Variants in C16orf96 observed in about 807,000 individuals in gnomAD.
C16orf96 encodes the protein uncharacterized protein C16orf96.
In C16orf96, 108 loss-of-function variants were observed where a neutral mutation model predicts 103.6. The ratio of observed to expected loss-of-function variants is 1.04; its 90% CI spans 0.89 to 1.22. The LOEUF (loss-of-function observed/expected upper bound fraction) is 1.22. Among genes scored for constraint, C16orf96 ranks in the 50% most tolerant of loss-of-function variants. C16orf96 has a pLI of 0.00. For missense variants in C16orf96, 1,586 were observed against 1,464.2 expected, an observed-to-expected ratio of 1.08 and a Z score of -1.36; for synonymous variants, 566 against 593.5, an observed-to-expected ratio of 0.95 and a Z score of 0.67.
At position 4,594,382 on chromosome 16, in the gene C16orf96, G is replaced by C. The variant is rs750173548; in HGVS notation, c.2899G>C (p.Gly967Arg). The change falls in exon 13 of 16, where the codon GGT becomes CGT. Residue 967 changes from glycine to arginine, a missense_variant. Coordinates refer to ENST00000444310, the MANE Select transcript of C16orf96 (RefSeq NM_001145011.2). Reference protein sequence around the residue: ...EQQWLQLQDLGIQEDCQQDWG... With the variant: ...EQQWLQLQDLRIQEDCQQDWG... ...GCAGTGGCTGCAGCTCCAGGACCTC[G>C]GTATCCAGGAGGATTGTCAGCAGGA... is the stretch of plus-strand genomic sequence containing the variant. The C allele has an allele frequency of 3.9e-6, 6 of 1,549,224 alleles. No individual in the cohort carries two copies. The highest frequency in any genetic ancestry group is 5.2e-6 in the Non-Finnish European group (6 of 1,146,854).
chr16:4,575,649 C>T lies in C16orf96; in HGVS notation c.1169C>T (p.Pro390Leu). ...PPPLGDWPALPRRWPLPQGWP... is the reference protein window; with the variant it reads ...PPPLGDWPALLRRWPLPQGWP... Reference sequence around the variant, plus strand: ...CCACTGGGAGACTGGCCTGCACTCCCAAGACGCTGGCCTCTTCCCCAAGGC... The same window carrying T: ...CCACTGGGAGACTGGCCTGCACTCCTAAGACGCTGGCCTCTTCCCCAAGGC... Residue 390 changes from proline to leucine, a missense_variant, in exon 5 of 16, where the codon CCA becomes CTA. Coordinates refer to ENST00000444310, the MANE Select transcript of C16orf96 (RefSeq NM_001145011.2). 3 of 1,535,392 alleles carry T rather than the reference C, an allele frequency of 2.0e-6. No individual in the cohort carries two copies. The highest frequency in any genetic ancestry group is 2.6e-6 in the Non-Finnish European group (3 of 1,140,018).
chr16:4,551,438 A>C (rs550906283), upstream of C16orf96, among the ~76,000 whole-genome samples: 1 of 152,020 alleles, frequency 6.6e-6, no homozygotes, highest in African/African-American at 2.4e-5. Flanking sequence ...TGTTTACTCC[A>C]TTTCGGGACT....
intron 1 of C16orf96, among the ~76,000 whole-genome samples, chr16:4,563,721 A>G (rs1224401387): frequency 1.3e-5 from 2 of 150,988 alleles, no homozygotes; most frequent in Non-Finnish European, 3.0e-5. Flanking sequence ...AGCGTGCACC[A>G]CCATGCCCAG....
chr16:4,600,493 C>CCT lies in C16orf96; in HGVS notation c.*177_*178insTC, dbSNP rs1310564194. On this transcript the variant is annotated 3_prime_UTR_variant, in exon 16 of 16. Transcript: ENST00000444310. The stretch of plus-strand genomic sequence containing the variant: ...GTCCGAGGCTGAGGCTCATGCGCCC[C>CCT]CCCCCATCCCTACCAAGTCCCCTCC... 6.3e-6 allele frequency: 3 copies of CCT among 475,006 alleles called. No individual in the cohort carries two copies. Among genetic ancestry groups the CCT allele is most frequent in the Non-Finnish European group, 7.6e-6 (2 of 263,458 alleles). The allele number at this position is 475,006 out of a possible 1,614,324, so 29.4% of individuals were successfully genotyped here.
At position 4,576,322 on chromosome 16, in the gene C16orf96, T is replaced by C. The variant is rs1199023032; in HGVS notation, c.1842T>C (p.Ala614=). The part of the protein sequence containing the change: ...MAAIATDTAA[A]GPLGVFADVL... Reference sequence around the variant, plus strand: ...CCATTGCAACAGACACGGCTGCAGCTGGGCCCCTAGGGGTCTTTGCAGATG... The same window carrying C: ...CCATTGCAACAGACACGGCTGCAGCCGGGCCCCTAGGGGTCTTTGCAGATG... The change falls in exon 5 of 16, where the codon GCT becomes GCC. Residue 614 remains alanine (A), a synonymous_variant. Transcript: ENST00000444310. 1 of 1,550,774 alleles carries C rather than the reference T, an allele frequency of 6.4e-7. No individual in the cohort carries two copies. The highest frequency in any genetic ancestry group is 2.4e-5 in the East Asian group (1 of 40,932).
Position 4,575,410 on chromosome 16 carries a change from G to A in C16orf96, c.930G>A (p.Pro310=), listed in dbSNP as rs189102504. ...GAGCCCAGGAGCCAGCGCAGCCTCC[G>A]GCCCTCACGCCTGAGTCTGCACCTG... The part of the protein sequence containing the change: ...LSRAQEPAQP[P]ALTPESAPGC... Residue 310 remains proline (P), a synonymous_variant, in exon 5 of 16, where the codon CCG becomes CCA. Coordinates refer to ENST00000444310, the MANE Select transcript of C16orf96 (RefSeq NM_001145011.2). 65 of 1,550,314 alleles carry A rather than the reference G, an allele frequency of 4.2e-5. No homozygotes were observed. In the African/African-American group the frequency reaches 7.0e-4, roughly 17 times the overall value.
the C16orf96 span, among the ~76,000 whole-genome samples, chr16:4,540,151 G>C: frequency 7.9e-5 from 12 of 152,156 alleles, no homozygotes; most frequent in Admixed American, 1.3e-4. Context: ...TACTTGCTCA[G>C]GTACTTCCTT....
chr16:4,555,728 C>T (rs537248795), upstream of C16orf96, among the ~76,000 whole-genome samples: 8 of 144,170 alleles, frequency 5.5e-5, no homozygotes, highest in African/African-American at 2.1e-4. Context: ...GGCAAGGTCT[C>T]ACTCTGTTGC....
In C16orf96 at chr16:4,591,544, C is replaced by A. The variant is rs1596537327; in HGVS notation, c.2593-122C>A. The A allele has an allele frequency of 1.3e-5, 10 of 746,726 alleles. No individual in the cohort carries two copies. The East Asian group carries it at 2.5e-4, about 18-fold the overall frequency. The allele number at this position is 746,726 out of a possible 1,614,324, so 46.3% of individuals were successfully genotyped here. A position where few individuals can be genotyped will look rare whatever the true frequency, so the allele number is the denominator to read the frequency against. ...ATTTTCCCTTTCCTGGACTCCCTCA[C>A]TATTTTAGTTGAATTTTGTTACACC... On this transcript the variant is annotated intron_variant, in intron 9 of 15. Transcript: ENST00000444310.
upstream of C16orf96, among the ~76,000 whole-genome samples, chr16:4,554,139 A>G (rs966710812): frequency 4.6e-5 from 7 of 152,010 alleles, no homozygotes; most frequent in African/African-American, 1.7e-4. Context: ...ACCATACCTC[A>G]TATCTCCACG....
chr16:4,577,784 C>T (rs2059531086), intron 5 of C16orf96, among the ~76,000 whole-genome samples: 1 of 152,150 alleles, frequency 6.6e-6, no homozygotes, highest in Non-Finnish European at 1.5e-5. Flanking sequence ...AGCGAAACTC[C>T]GTCTCGACTA....
rs1567138574 is a variant in C16orf96 at position 4,599,586 on chromosome 16, C to T, written c.3208+222C>T. On this transcript the variant is annotated intron_variant, in intron 15 of 15. Coordinates refer to ENST00000444310, the MANE Select transcript of C16orf96 (RefSeq NM_001145011.2). Reference sequence around the variant, plus strand: ...TCTGTCCCCAGCGTCCACCCAGCTGCAGGGGCGGCAACAAGGGAACTGAGG... The same window carrying T: ...TCTGTCCCCAGCGTCCACCCAGCTGTAGGGGCGGCAACAAGGGAACTGAGG... Among the ~76,000 whole-genome samples the T allele has an allele frequency of 7.2e-5, 11 of 152,220 alleles. 1 individual carries two copies. The highest frequency in any genetic ancestry group is 7.2e-4 in the Admixed American group (11 of 15,284).
chr16:4,563,015 A>G, intron 1 of C16orf96: 1 of 1,024,424 alleles, frequency 9.8e-7, no homozygotes, highest in Non-Finnish European at 1.5e-6. Flanking sequence ...ACATGTTACC[A>G]TCTCTGCTGC....
At chr16:4,583,333 G>A (rs1353762177) in intron 7 of C16orf96, among the ~76,000 whole-genome samples, 3 of 151,474 alleles carry the variant, frequency 2.0e-5, no homozygotes, top group South Asian at 4.2e-4. Flanking sequence ...AGGCCCCATC[G>A]CTAAAAAAAT....
intron 2 of C16orf96, among the ~76,000 whole-genome samples, chr16:4,573,064 C>T: frequency 6.6e-6 from 1 of 152,120 alleles, no homozygotes; most frequent in East Asian, 1.9e-4. Flanking sequence ...GGATGGCTCC[C>T]ATCTAAGCAG....
chr16:4,548,523 C>A, the C16orf96 span, among the ~76,000 whole-genome samples: 1 of 152,188 alleles, frequency 6.6e-6, no homozygotes, highest in Non-Finnish European at 1.5e-5. Flanking sequence ...ACCTGCTGAC[C>A]TTCAGCAGAG....
chr16:4,585,016 T>C (rs1896887560), intron 7 of C16orf96, among the ~76,000 whole-genome samples: 1 of 152,014 alleles, frequency 6.6e-6, no homozygotes, highest in Admixed American at 6.6e-5. Flanking sequence ...GCATGGTGGC[T>C]TGCACCTATA....
At position 4,592,318 on chromosome 16, in the gene C16orf96, C is replaced by T. The variant is rs555611882; in HGVS notation, c.2725C>T (p.Arg909Cys). The T allele has an allele frequency of 3.5e-5, 54 of 1,551,632 alleles. No homozygotes were observed. The highest frequency in any genetic ancestry group is 1.7e-4 in the Middle Eastern group (1 of 5,992). ...TGTGCCTTTCAGGAAGCTGTTCAAG[C>T]GCGTGAAGTGCATCTCCTGTGACCG... ...AAGFRRKLFK[R>C]VKCISCDRPV... The change falls in exon 11 of 16, where the codon CGC becomes TGC. Residue 909 changes from arginine to cysteine, a missense_variant. Transcript: ENST00000444310.
chr16:4,577,940 ACTC>A (rs2059533178), intron 5 of C16orf96, among the ~76,000 whole-genome samples: 1 of 150,700 alleles, frequency 6.6e-6, no homozygotes, highest in African/African-American at 2.4e-5. Context: ...CGATAGCGAG[ACTC>A]CTCCTCAAAA....
Sources: allele counts gnomAD v4.1 joint callset (sites outside exome capture counted in the v4.1 genomes callset), GRCh38; gene constraint gnomAD v4.1.1; transcripts MANE v1.5; gene names NCBI Gene and HGNC (gene_info 2026-07-23, HGNC 2026-07-21).